The following RTP2 variants were observed in gnomAD, a reference collection of about 807,000 sequenced individuals.
The protein encoded by RTP2 is receptor-transporting protein 2.
A neutral mutation model predicts 17.9 loss-of-function variants in RTP2; 12 were observed. That is an observed-to-expected ratio of 0.67 (90% confidence interval 0.43 to 1.09). RTP2 has a LOEUF of 1.09. Among genes scored for constraint, RTP2 ranks in the 50% least tolerant of loss-of-function variants. The pLI is 0.00. For missense variants in RTP2, 327 were observed against 295.7 expected, an observed-to-expected ratio of 1.11 and a Z score of -0.78; for synonymous variants, 126 against 117.7, an observed-to-expected ratio of 1.07 and a Z score of -0.46.
chr3:187,702,782 T>C (rs188649853), upstream of RTP2, among the ~76,000 whole-genome samples: 1 of 152,390 alleles, frequency 6.6e-6, no homozygotes, highest in East Asian at 1.9e-4. Context: ...TTATTTATTT[T>C]AGTACTATTG....
upstream of RTP2, among the ~76,000 whole-genome samples, chr3:187,704,061 T>C (rs1717928960): frequency 6.6e-6 from 1 of 152,178 alleles, no homozygotes; most frequent in Admixed American, 6.5e-5. Context: ...AGCTCACAAA[T>C]GTATATTGTG....
chr3:187,699,138 G>T, intron 1 of RTP2, 127 bp from the exon 2 acceptor site: 1 of 1,164,970 alleles, frequency 8.6e-7, no homozygotes, highest in Non-Finnish European at 1.2e-6. Flanking sequence ...TTACTGCCCT[G>T]TGGATTCATT....
upstream of RTP2, among the ~76,000 whole-genome samples, chr3:187,706,457 T>C (rs1005218171): frequency 6.6e-6 from 1 of 152,270 alleles, no homozygotes; most frequent in Non-Finnish European, 1.5e-5. Flanking sequence ...ATAAAAAGAA[T>C]TTTAAAACAG....
At chr3:187,714,798 G>A in the RTP2 span, among the ~76,000 whole-genome samples, 2 of 152,190 alleles carry the variant, frequency 1.3e-5, no homozygotes, top group Non-Finnish European at 2.9e-5. Context: ...TTGCTAGGCA[G>A]GGGTCTTGGT....
exon 2 of RTP2, chr3:187,698,920 A>C: frequency 6.2e-7 from 1 of 1,610,018 alleles, no homozygotes; most frequent in Non-Finnish European, 8.5e-7. Flanking sequence ...ATGCGCACCG[A>C]GCCCGCCCGC....
chr3:187,704,217 G>C (rs1480149814), upstream of RTP2, among the ~76,000 whole-genome samples: 1 of 152,016 alleles, frequency 6.6e-6, no homozygotes, highest in Non-Finnish European at 1.5e-5. Flanking sequence ...AAGGGGGAGG[G>C]GATGGATAAA....
At chr3:187,703,431 G>T (rs7616923), upstream of RTP2, among the ~76,000 whole-genome samples, 25,789 of 152,200 alleles carry the variant, frequency 0.17, 2,830 homozygotes, top group African/African-American at 0.31. Context: ...GCGGCTTTGT[G>T]CTAAAGACCT....
the RTP2 span, among the ~76,000 whole-genome samples, chr3:187,711,015 A>G: frequency 9.2e-5 from 14 of 152,186 alleles, no homozygotes; most frequent in Non-Finnish European, 1.6e-4. Flanking sequence ...TGGATGTCTA[A>G]AGGCACCATG....
upstream of RTP2, among the ~76,000 whole-genome samples, chr3:187,707,261 C>A (rs1218443504): frequency 6.6e-6 from 1 of 152,140 alleles, no homozygotes; most frequent in African/African-American, 2.4e-5. Flanking sequence ...TCACCATTGC[C>A]CAGATTCAAG....
At chr3:187,701,204 A>G (rs910687205) in intron 1 of RTP2, among the ~76,000 whole-genome samples, 18 of 152,182 alleles carry the variant, frequency 1.2e-4, no homozygotes, top group Admixed American at 5.9e-4. Context: ...ATCATGATCT[A>G]AAAGGAGGAA....
the RTP2 span, among the ~76,000 whole-genome samples, chr3:187,708,808 A>C: frequency 4.6e-5 from 7 of 152,302 alleles, no homozygotes; most frequent in Admixed American, 3.9e-4. Flanking sequence ...TATTTTCCCC[A>C]TTTGACATAA....
At chr3:187,699,137 T>G in intron 1 of RTP2, 126 bp from the exon 2 acceptor site, 1 of 1,162,920 alleles carries the variant, frequency 8.6e-7, no homozygotes, top group South Asian at 1.7e-5. Context: ...TTTACTGCCC[T>G]GTGGATTCAT....
chr3:187,706,925 A>G (rs1426700701), upstream of RTP2, among the ~76,000 whole-genome samples: 1 of 152,094 alleles, frequency 6.6e-6, no homozygotes, highest in East Asian at 1.9e-4. Context: ...TTTAAACATG[A>G]CCCACCCCAG....
At chr3:187,709,184 T>A in the RTP2 span, among the ~76,000 whole-genome samples, 1 of 152,220 alleles carries the variant, frequency 6.6e-6, no homozygotes, top group East Asian at 1.9e-4. Context: ...TTTGATTTTT[T>A]AAAACATTGC....
At chr3:187,711,836 C>A in the RTP2 span, among the ~76,000 whole-genome samples, 1 of 152,112 alleles carries the variant, frequency 6.6e-6, no homozygotes, top group South Asian at 2.1e-4. Context: ...TGCACAGAAC[C>A]AAAAACAGTT....
exon 2 of RTP2, chr3:187,698,655 T>A (rs765799413): frequency 5.4e-5 from 87 of 1,614,028 alleles, no homozygotes; most frequent in Non-Finnish European, 7.0e-5. Flanking sequence ...GGTCACCTCC[T>A]CCTCCAGCAG....
upstream of RTP2, among the ~76,000 whole-genome samples, chr3:187,706,708 T>G (rs1318773613): frequency 6.6e-6 from 1 of 152,198 alleles, no homozygotes; most frequent in Non-Finnish European, 1.5e-5. Flanking sequence ...GTTCAAGCGA[T>G]TCTCCTGCCT....
At chr3:187,707,462 G>A (rs962618958), upstream of RTP2, among the ~76,000 whole-genome samples, 1 of 152,116 alleles carries the variant, frequency 6.6e-6, no homozygotes, top group Non-Finnish European at 1.5e-5. Flanking sequence ...CCAATTGGCA[G>A]TTAAATAAAA....
At chr3:187,699,107 G>T in intron 1 of RTP2, 96 bp from the exon 2 acceptor site, 1 of 1,385,204 alleles carries the variant, frequency 7.2e-7, no homozygotes, top group Non-Finnish European at 9.6e-7. Context: ...GTGTGCCCGT[G>T]CTTGGAGATG....
Sources: gnomAD v4.1 joint callset for allele counts (sites outside exome capture counted in the v4.1 genomes callset) on GRCh38, gnomAD v4.1.1 for gene constraint, MANE v1.5 for transcripts, NCBI Gene and HGNC (gene_info 2026-07-23, HGNC 2026-07-21) for gene names.